RIC1: variants seen among roughly 807,000 people sequenced by gnomAD.
The protein encoded by RIC1 is RIC1 partner of RAB6A GEF complex, also known as guanine nucleotide exchange factor subunit RIC1.
Under a neutral mutation model 169.0 loss-of-function variants are expected in RIC1, and 88 were observed. The ratio of observed to expected loss-of-function variants is 0.52; its 90% CI spans 0.44 to 0.62. The LOEUF is 0.62. Ranked by LOEUF, RIC1 falls within the 20% of genes least tolerant of loss-of-function variation. RIC1 has a pLI of 0.00. For missense variants in RIC1, 1,877 were observed against 1,725.5 expected, an observed-to-expected ratio of 1.09 and a Z score of -1.56; for synonymous variants, 790 against 601.5, an observed-to-expected ratio of 1.31 and a Z score of -4.59.
intron 1 of RIC1, among the ~76,000 whole-genome samples, chr9:5,652,052 A>G (rs1818833880): frequency 6.6e-6 from 1 of 152,040 alleles, no homozygotes; most frequent in African/African-American, 2.4e-5. Context: ...TTTCTGGGCT[A>G]TTTTGTTCCA....
chr9:5,684,761 G>A (rs1456659216), intron 2 of RIC1, among the ~76,000 whole-genome samples: 2 of 152,008 alleles, frequency 1.3e-5, no homozygotes, highest in Non-Finnish European at 2.9e-5. Context: ...TATGATGAAG[G>A]CATTCAGTCT....
chr9:5,753,626 CT>C lies in RIC1; in HGVS notation c.1587del (p.Phe529LeufsTer10). On this transcript the variant is annotated frameshift_variant, in exon 14 of 26. Coordinates refer to ENST00000414202, the MANE Select transcript of RIC1 (RefSeq NM_020829.4). LOFTEE classifies it high-confidence loss of function. ...CTCTTTACTCACCAAAAAATGGAAA[CT>C]TTTTGGAAACATTACCCAGGTTAGT... is the stretch of plus-strand genomic sequence containing the variant. ...HYSLLTKKWK[L>X]FGNITQEQNM... 1.3e-6 allele frequency: 2 copies of C among 1,596,844 alleles called. No homozygotes were observed. The highest frequency in any genetic ancestry group is 1.7e-5 in the Admixed American group (1 of 58,810).
chr9:5,642,196 G>A (rs1028891050), intron 1 of RIC1, among the ~76,000 whole-genome samples: 2 of 145,172 alleles, frequency 1.4e-5, no homozygotes, highest in East Asian at 1.9e-4. Context: ...GGATTACCAC[G>A]TAGAGACTCT....
intron 2 of RIC1, among the ~76,000 whole-genome samples, chr9:5,659,383 T>A (rs1819308930): frequency 6.6e-6 from 1 of 152,148 alleles, no homozygotes; most frequent in Non-Finnish European, 1.5e-5. Context: ...GTCAACCCAT[T>A]GTCAACCCAT....
In RIC1 at chr9:5,713,859, T is replaced by G. The variant is rs372033059; in HGVS notation, c.333-37T>G. ...TATTAGCCACAGAATGGAGGCAAAT[T>G]CAGCATCTTTCTTTAACTCTATGCT... On this transcript the variant is annotated intron_variant, in intron 3 of 25. Transcript: ENST00000414202. The G allele has an allele frequency of 2.1e-6, 3 of 1,452,906 alleles. No homozygotes were observed. The African/African-American group carries it at 4.2e-5, about 20-fold the overall frequency. 90.0% of individuals were successfully genotyped at this position (1,452,906 alleles called of 1,614,324 possible).
At chr9:5,686,576 A>T (rs778879299) in intron 2 of RIC1, among the ~76,000 whole-genome samples, 3 of 140,142 alleles carry the variant, frequency 2.1e-5, no homozygotes, top group African/African-American at 8.0e-5. Flanking sequence ...GAATTGAACA[A>T]TGAGATCACA....
intron 7 of RIC1, among the ~76,000 whole-genome samples, chr9:5,736,035 A>G (rs1284609315): frequency 1.3e-5 from 2 of 152,230 alleles, no homozygotes; most frequent in Non-Finnish European, 2.9e-5. Context: ...AGTTTAAAGA[A>G]TACAAGCACT....
chr9:5,753,254 G>A lies in RIC1; in HGVS notation c.1491+16G>A, dbSNP rs1825824558. 5 of 1,612,700 alleles carry A rather than the reference G, an allele frequency of 3.1e-6. No individual in the cohort carries two copies. The highest frequency in any genetic ancestry group is 4.2e-6 in the Non-Finnish European group (5 of 1,178,784). ...GCCTATACGGGTGAGTTGTTATTTTGTTGGTGTTAACTTTTGTTGACTAGC... is the reference window on the plus strand; with the variant it reads ...GCCTATACGGGTGAGTTGTTATTTTATTGGTGTTAACTTTTGTTGACTAGC... On this transcript the variant is annotated intron_variant, in intron 13 of 25. Transcript: ENST00000414202.
chr9:5,715,293 C>T (rs922797884), intron 4 of RIC1, among the ~76,000 whole-genome samples: 2 of 152,108 alleles, frequency 1.3e-5, no homozygotes, highest in Admixed American at 6.5e-5. Context: ...TTTCTACCTC[C>T]ACCTGGTGGG....
intron 3 of RIC1, 120 bp from the exon 4 acceptor site, chr9:5,713,776 G>T (rs1823072312): frequency 1.8e-6 from 1 of 557,304 alleles, no homozygotes; most frequent in Non-Finnish European, 3.2e-6. Flanking sequence ...TTGAGAATCT[G>T]AAGGATGAAT....
chr9:5,745,399 C>T (rs1825318372), intron 10 of RIC1, among the ~76,000 whole-genome samples: 1 of 152,078 alleles, frequency 6.6e-6, no homozygotes, highest in Non-Finnish European at 1.5e-5. Context: ...TCTCATTTTA[C>T]AGAGGAAGAA....
chr9:5,754,125 C>T (rs563258820), intron 14 of RIC1, among the ~76,000 whole-genome samples: 23 of 152,112 alleles, frequency 1.5e-4, no homozygotes, highest in Non-Finnish European at 2.5e-4. Context: ...TTTTAAGGCA[C>T]TTTCATATAT....
chr9:5,743,363 G>A (rs1469328907), intron 9 of RIC1, among the ~76,000 whole-genome samples: 3 of 152,078 alleles, frequency 2.0e-5, no homozygotes, highest in Non-Finnish European at 1.5e-5. Flanking sequence ...ATCTCATTAG[G>A]TTAATGTAGG....
At chr9:5,767,618 G>T (rs148711395) in intron 21 of RIC1, among the ~76,000 whole-genome samples, 121 of 151,914 alleles carry the variant, frequency 8.0e-4, no homozygotes, top group Non-Finnish European at 1.5e-3. Flanking sequence ...ATGGAGTTTC[G>T]CTCTTGTTGC....
chr9:5,771,342 A>C (rs1490010755), intron 23 of RIC1, among the ~76,000 whole-genome samples: 1 of 152,102 alleles, frequency 6.6e-6, no homozygotes, highest in Non-Finnish European at 1.5e-5. Context: ...AGCTTATTTC[A>C]CTTAGCATAA....
In RIC1 at chr9:5,720,640, G is replaced by A. The variant is rs376515492; in HGVS notation, c.610G>A (p.Val204Ile). The change falls in exon 6 of 26, where the codon GTA (valine) becomes ATA (isoleucine). Residue 204 changes from valine to isoleucine, a missense_variant. Transcript: ENST00000414202. ...AGGTTCATTCCTGGGCTTCACAGAC[G>A]TACACATCAGAGACATGGAATACTG... ...RVGSFLGFTD[V>I]HIRDMEYCAT... The A allele has an allele frequency of 8.1e-6, 13 of 1,606,304 alleles. No homozygotes were observed. The highest frequency in any genetic ancestry group is 2.2e-5 in the South Asian group (2 of 89,106).
chr9:5,678,081 A>G (rs1820566919), intron 2 of RIC1, among the ~76,000 whole-genome samples: 1 of 150,156 alleles, frequency 6.7e-6, no homozygotes, highest in African/African-American at 2.5e-5. Context: ...CCCACCTATG[A>G]GTGAGAACAT....
At chr9:5,698,380 G>T (rs1822028936) in intron 3 of RIC1, among the ~76,000 whole-genome samples, 1 of 152,138 alleles carries the variant, frequency 6.6e-6, no homozygotes, top group Admixed American at 6.5e-5. Flanking sequence ...TTTGACTAGT[G>T]GTTGACCCAT....
In RIC1 at chr9:5,656,839, T is replaced by C. The variant is rs1035419653; in HGVS notation, c.252+149T>C. ...AGGAATTGCTTTACTGATTATTCTA[T>C]GTGGATTACTCCTACTATAGCTTTT... is the stretch of plus-strand genomic sequence containing the variant. On this transcript the variant is annotated intron_variant, in intron 2 of 25. Coordinates refer to ENST00000414202, the MANE Select transcript of RIC1 (RefSeq NM_020829.4). 6 of 537,448 alleles carry C rather than the reference T, an allele frequency of 1.1e-5. No homozygotes were observed. In the South Asian group the frequency reaches 1.2e-4, roughly 11 times the overall value. 33.3% of individuals were successfully genotyped at this position (537,448 alleles called of 1,614,324 possible). A position where few individuals can be genotyped will look rare whatever the true frequency, so the allele number is the denominator to read the frequency against.
Sources: gnomAD v4.1 joint callset for allele counts (sites outside exome capture counted in the v4.1 genomes callset) on GRCh38, gnomAD v4.1.1 for gene constraint, MANE v1.5 for transcripts, NCBI Gene and HGNC (gene_info 2026-07-23, HGNC 2026-07-21) for gene names.